Variants in SPAM1 observed in about 807,000 individuals in gnomAD.
The protein encoded by SPAM1 is hyaluronidase PH-20.
SPAM1 carries 22 observed loss-of-function variants against 29.6 expected under a neutral mutation model. The ratio of observed to expected loss-of-function variants is 0.74; its 90% CI spans 0.53 to 1.06. SPAM1 has a LOEUF of 1.06. SPAM1 is among the 50% of genes least tolerant of loss of function. The probability of loss-of-function intolerance (pLI) is 0.00; values close to 1 mark genes in which losing one functional copy is unlikely to be tolerated. For synonymous variants in SPAM1, 194 were observed against 204.6 expected (o/e 0.95, Z 0.44); for missense variants, 534 against 604.0 (o/e 0.88, Z 1.21).
chr7:123,945,110 C>T (rs1451522925), intron 1 of SPAM1, among the ~76,000 whole-genome samples: 1 of 151,938 alleles, frequency 6.6e-6, no homozygotes, highest in African/African-American at 2.4e-5. Context: ...CAAAAATTTA[C>T]CATATAAGAT....
At chr7:123,937,401 A>T (rs1465420680) in intron 1 of SPAM1, among the ~76,000 whole-genome samples, 1 of 152,046 alleles carries the variant, frequency 6.6e-6, no homozygotes, top group East Asian at 1.9e-4. Context: ...GGAGATCGAG[A>T]CCATCCTGGA....
chr7:123,945,810 T>C (rs538066893), intron 1 of SPAM1, among the ~76,000 whole-genome samples: 14 of 152,124 alleles, frequency 9.2e-5, no homozygotes, highest in East Asian at 7.8e-4. Context: ...GTTTTTTTTT[T>C]CCCCTTTCTT....
chr7:123,933,051 TA>T (rs1404378761), intron 1 of SPAM1, among the ~76,000 whole-genome samples: 10 of 151,436 alleles, frequency 6.6e-5, no homozygotes, highest in Non-Finnish European at 1.0e-4. Flanking sequence ...TTATTTATTT[TA>T]TTTTTTTTTT....
intron 4 of SPAM1, among the ~76,000 whole-genome samples, chr7:123,958,103 C>T (rs1246792212): frequency 1.3e-5 from 2 of 152,122 alleles, no homozygotes; most frequent in Admixed American, 6.6e-5. Flanking sequence ...AGGATGCAGA[C>T]ATTTTTGGGT....
chr7:123,959,248 A>G (rs1366039249), intron 4 of SPAM1, among the ~76,000 whole-genome samples: 1 of 152,094 alleles, frequency 6.6e-6, no homozygotes, highest in African/African-American at 2.4e-5. Flanking sequence ...GGTAAGGAAT[A>G]CTAAGCCTCA....
Position 123,954,540 on chromosome 7 carries a change from T to C in SPAM1, c.954+16T>C, listed in dbSNP as rs1792204198. The stretch of plus-strand genomic sequence containing the variant: ...CCTTTCTCAAGTAAGTAAATCAGGG[T>C]ATGAGGGCTAGGAAATGAAATTCAC... On this transcript the variant is annotated intron_variant, in intron 3 of 4. Coordinates refer to ENST00000682466, the MANE Select transcript of SPAM1 (RefSeq NM_153189.3). 1 of 1,487,904 alleles carries C rather than the reference T, an allele frequency of 6.7e-7. No individual in the cohort carries two copies. Among genetic ancestry groups the C allele is most frequent in the Non-Finnish European group, 9.2e-7 (1 of 1,083,776 alleles). 92.2% of individuals were successfully genotyped at this position (1,487,904 alleles called of 1,614,324 possible). A position where few individuals can be genotyped will look rare whatever the true frequency, so the allele number is the denominator to read the frequency against.
At chr7:123,961,373 A>T (rs940811764), downstream of SPAM1, among the ~76,000 whole-genome samples, 3 of 151,668 alleles carry the variant, frequency 2.0e-5, no homozygotes, top group Non-Finnish European at 4.4e-5. Flanking sequence ...TCTCTCTGTG[A>T]TTTCAATTTT....
At position 123,953,912 on chromosome 7, in the gene SPAM1, C is replaced by G; in HGVS notation, c.342C>G (p.Ile114Met). The G allele has an allele frequency of 1.2e-6, 2 of 1,613,598 alleles. No individual in the cohort carries two copies. The highest frequency in any genetic ancestry group is 8.5e-7 in the Non-Finnish European group (1 of 1,179,704). The change falls in exon 3 of 5, where the codon ATC becomes ATG. Residue 114 changes from isoleucine (I) to methionine (M), a missense_variant. Physicochemically the swap from Ile to Met is conservative, Grantham distance 10. Transcript: ENST00000682466. ...CAGGAGTAACTGTGAATGGAGGAAT[C>G]CCCCAGAAGATTTCCTTACAAGACC... ...SITGVTVNGGIPQKISLQDHL... is the reference protein window; with the variant it reads ...SITGVTVNGGMPQKISLQDHL...
intron 5 of SPAM1, among the ~76,000 whole-genome samples, chr7:123,967,655 TGAGAGCCTCTG>T (rs1249162035): frequency 1.3e-5 from 2 of 151,840 alleles, no homozygotes; most frequent in African/African-American, 2.4e-5. Context: ...GGGGAGAGTG[TGAGAGCCTCTG>T]GAGACTGCTA....
chr7:123,930,484 G>A (rs1018688418), intron 1 of SPAM1, among the ~76,000 whole-genome samples: 4 of 152,136 alleles, frequency 2.6e-5, no homozygotes, highest in Non-Finnish European at 5.9e-5. Flanking sequence ...TCCTAAGAAA[G>A]CAAAGACTCT....
Position 123,959,944 on chromosome 7 carries a change from T to C in SPAM1, c.1505T>C (p.Ile502Thr). 2 of 1,610,090 alleles carry C rather than the reference T, an allele frequency of 1.2e-6. No homozygotes were observed. The highest frequency in any genetic ancestry group is 1.1e-5 in the South Asian group (1 of 90,616). Reference sequence around the variant, plus strand: ...TTCATTGTTAGTATTTTGTTTCTTATCATTTCTTCTGTAGCGAGTTTGTAA... The same window carrying C: ...TTCATTGTTAGTATTTTGTTTCTTACCATTTCTTCTGTAGCGAGTTTGTAA... ...TMFIVSILFL[I>T]ISSVASL The change falls in exon 5 of 5, where the codon ATC becomes ACC. Residue 502 changes from isoleucine (I) to threonine (T), a missense_variant. Transcript: ENST00000682466.
intron 1 of SPAM1, among the ~76,000 whole-genome samples, chr7:123,941,277 A>G (rs1160204784): frequency 6.6e-6 from 1 of 152,178 alleles, no homozygotes; most frequent in African/African-American, 2.4e-5. Flanking sequence ...GGTCCTGACA[A>G]TGTGTTCCCA....
At chr7:123,925,561 A>C (rs1807850707) in intron 1 of SPAM1, 1 of 152,156 alleles carries the variant, frequency 6.6e-6, no homozygotes, top group South Asian at 2.1e-4. Flanking sequence ...CTACTAAAAA[A>C]TGAGTTCCTT....
Position 123,959,859 on chromosome 7 carries a change from G to C in SPAM1, c.1420G>C (p.Glu474Gln). 6.2e-7 allele frequency: 1 copy of C among 1,613,010 alleles called. No individual in the cohort carries two copies. Residue 474 changes from glutamate to glutamine, a missense_variant, in exon 5 of 5, where the codon GAG becomes CAG. Physicochemically the swap from Glu to Gln is conservative, Grantham distance 29. Coordinates refer to ENST00000682466, the MANE Select transcript of SPAM1 (RefSeq NM_153189.3). Reference protein sequence around the residue: ...CIDAFLKPPMETEEPQIFYNA... With the variant: ...CIDAFLKPPMQTEEPQIFYNA... ...AGATGCTTTTCTAAAACCTCCCATG[G>C]AGACAGAAGAACCTCAAATTTTCTA...
In SPAM1 at chr7:123,943,566, A is replaced by C. The variant is rs1808491547; in HGVS notation, c.-318-6306A>C. Among the ~76,000 whole-genome samples, 16 of 152,296 alleles carry C rather than the reference A, an allele frequency of 1.1e-4. 1 individual carries two copies. The highest frequency in any genetic ancestry group is 3.4e-3 in the Middle Eastern group (1 of 294). On this transcript the variant is annotated intron_variant, in intron 1 of 4. Transcript: ENST00000682466. ...CATTTATGTAAATATAATTCAAAGA[A>C]GGTTAAACATTTTTTCATATTTGAC...
chr7:123,939,904 G>A (rs993816805), intron 1 of SPAM1, among the ~76,000 whole-genome samples: 12 of 152,160 alleles, frequency 7.9e-5, no homozygotes, highest in African/African-American at 2.7e-4. Flanking sequence ...ACCAGAACCT[G>A]CCTTACCTGA....
intron 1 of SPAM1, among the ~76,000 whole-genome samples, chr7:123,929,408 C>T (rs778861182): frequency 6.6e-6 from 1 of 152,020 alleles, no homozygotes; most frequent in Non-Finnish European, 1.5e-5. Flanking sequence ...AGGGGGTTGT[C>T]TGGCTTGTCT....
intron 1 of SPAM1, among the ~76,000 whole-genome samples, chr7:123,949,082 G>GA (rs1230960908): frequency 6.8e-6 from 1 of 147,548 alleles, no homozygotes; most frequent in Non-Finnish European, 1.5e-5. Context: ...AAATTTATTT[G>GA]AAAAAAAATT....
At chr7:123,928,138 TA>T (rs1214373281) in intron 1 of SPAM1, among the ~76,000 whole-genome samples, 1 of 152,158 alleles carries the variant, frequency 6.6e-6, no homozygotes, top group African/African-American at 2.4e-5. Context: ...AACCCTGCTA[TA>T]AAATAGTTTA....
Sources: gnomAD v4.1 joint callset for allele counts (sites outside exome capture counted in the v4.1 genomes callset) on GRCh38, gnomAD v4.1.1 for gene constraint, MANE v1.5 for transcripts, NCBI Gene and HGNC (gene_info 2026-07-23, HGNC 2026-07-21) for gene names.